Variants in ABTB3 observed in about 807,000 individuals in gnomAD.
The protein encoded by ABTB3 is ankyrin repeat and BTB domain containing 3.
the ABTB3 span, among the ~76,000 whole-genome samples, chr12:107,488,841 G>A: frequency 3.3e-5 from 5 of 152,172 alleles, no homozygotes; most frequent in Admixed American, 1.3e-4. Flanking sequence ...CAAAAAGACC[G>A]TTGGAATGCT....
the ABTB3 span, among the ~76,000 whole-genome samples, chr12:107,637,015 G>A: frequency 1.5e-4 from 23 of 152,332 alleles, no homozygotes; most frequent in Middle Eastern, 3.4e-3. Flanking sequence ...GCTCACGCCT[G>A]TAATCCCAGC....
At chr12:107,509,176 G>C in the ABTB3 span, among the ~76,000 whole-genome samples, 1 of 152,176 alleles carries the variant, frequency 6.6e-6, no homozygotes, top group Non-Finnish European at 1.5e-5. Flanking sequence ...CCAGGACTCT[G>C]TGGGAAAGTT....
chr12:107,606,384 T>C, the ABTB3 span, among the ~76,000 whole-genome samples: 1 of 152,204 alleles, frequency 6.6e-6, no homozygotes. Flanking sequence ...CTCTTTCTAA[T>C]TAAAATCAAG....
the ABTB3 span, chr12:107,610,162 C>T: frequency 6.8e-6 from 11 of 1,613,950 alleles, no homozygotes; most frequent in African/African-American, 1.5e-4. Context: ...AGCCGCTGTA[C>T]CCGCATGATG....
the ABTB3 span, among the ~76,000 whole-genome samples, chr12:107,362,604 G>A: frequency 1.3e-5 from 2 of 152,120 alleles, no homozygotes; most frequent in Non-Finnish European, 2.9e-5. Context: ...ACCAGCCTGG[G>A]CAACATAGTG....
the ABTB3 span, among the ~76,000 whole-genome samples, chr12:107,349,409 T>C: frequency 6.6e-6 from 1 of 152,338 alleles, no homozygotes; most frequent in East Asian, 1.9e-4. Flanking sequence ...GTAAGGTGCA[T>C]AACAGGTTCT....
chr12:107,404,165 A>C, the ABTB3 span, among the ~76,000 whole-genome samples: 1 of 145,400 alleles, frequency 6.9e-6, no homozygotes. Flanking sequence ...TCTAACTCAA[A>C]AAAAAAAAAA....
chr12:107,539,180 A>C, the ABTB3 span, among the ~76,000 whole-genome samples: 1 of 152,126 alleles, frequency 6.6e-6, no homozygotes, highest in South Asian at 2.1e-4. Flanking sequence ...GGTGCTCAGC[A>C]TATTGGGGCT....
At chr12:107,621,347 C>A in the ABTB3 span, among the ~76,000 whole-genome samples, 1 of 152,128 alleles carries the variant, frequency 6.6e-6, no homozygotes, top group Non-Finnish European at 1.5e-5. Context: ...ATTTCAAAAC[C>A]AAACTCCCCA....
the ABTB3 span, among the ~76,000 whole-genome samples, chr12:107,620,603 G>A: frequency 6.6e-6 from 1 of 152,100 alleles, no homozygotes; most frequent in South Asian, 2.1e-4. Context: ...GATAGGAATC[G>A]GTAGGATGAG....
the ABTB3 span, among the ~76,000 whole-genome samples, chr12:107,437,446 G>C: frequency 6.6e-6 from 1 of 151,112 alleles, no homozygotes; most frequent in Non-Finnish European, 1.5e-5. Context: ...ACCCAGGCTG[G>C]AGTACAGTGG....
the ABTB3 span, among the ~76,000 whole-genome samples, chr12:107,332,950 T>G: frequency 6.6e-6 from 1 of 152,212 alleles, no homozygotes; most frequent in Non-Finnish European, 1.5e-5. Flanking sequence ...GCTATAGCTG[T>G]GCCTGTTGCT....
the ABTB3 span, chr12:107,658,529 G>A: frequency 6.6e-6 from 1 of 152,572 alleles, no homozygotes; most frequent in South Asian, 2.1e-4. Context: ...CGTGGTTTCG[G>A]GGTGAGAATA....
At chr12:107,395,878 G>A in the ABTB3 span, among the ~76,000 whole-genome samples, 1 of 152,250 alleles carries the variant, frequency 6.6e-6, no homozygotes, top group East Asian at 1.9e-4. Context: ...CCTGTATGGG[G>A]CAAAGAGGTG....
the ABTB3 span, among the ~76,000 whole-genome samples, chr12:107,573,533 G>T: frequency 1.1e-3 from 174 of 151,876 alleles, no homozygotes; most frequent in African/African-American, 4.1e-3. Flanking sequence ...ATGGTGAGTG[G>T]ACAGATAGAC....
At chr12:107,615,481 T>G in the ABTB3 span, among the ~76,000 whole-genome samples, 6,715 of 152,296 alleles carry the variant, frequency 0.044, 507 homozygotes, top group African/African-American at 0.15. Context: ...TGTCGCAACA[T>G]GAACATGAGA....
chr12:107,581,384 C>G, the ABTB3 span: 53 of 1,192,786 alleles, frequency 4.4e-5, no homozygotes, highest in Non-Finnish European at 5.0e-5. Context: ...ATCAGAGCCC[C>G]GCTGGGCGGC....
the ABTB3 span, among the ~76,000 whole-genome samples, chr12:107,441,536 G>A: frequency 6.6e-5 from 10 of 152,000 alleles, no homozygotes; most frequent in Admixed American, 6.5e-4. Context: ...GTGATGGGTT[G>A]ATAGGTGTAG....
chr12:107,330,671 C>G, the ABTB3 span, among the ~76,000 whole-genome samples: 1 of 152,184 alleles, frequency 6.6e-6, no homozygotes, highest in Non-Finnish European at 1.5e-5. Context: ...GAGCCCATCT[C>G]CCATCCACAG....
Sources: allele counts gnomAD v4.1 joint callset (sites outside exome capture counted in the v4.1 genomes callset), GRCh38; gene constraint gnomAD v4.1.1; transcripts MANE v1.5; gene names NCBI Gene and HGNC (gene_info 2026-07-23, HGNC 2026-07-21).